Variants in RAB11FIP3 observed in about 807,000 individuals in gnomAD.
RAB11FIP3 encodes RAB11 family interacting protein 3.
Under a neutral mutation model 77.8 loss-of-function variants are expected in RAB11FIP3, and 17 were observed. That is an observed-to-expected ratio of 0.22 (90% CI 0.15 to 0.33). RAB11FIP3 has a LOEUF of 0.33. RAB11FIP3 is among the 10% of genes least tolerant of loss of function. RAB11FIP3 has a pLI of 1.00. For synonymous variants in RAB11FIP3, 437 were observed against 448.2 expected, an observed-to-expected ratio of 0.98 and a Z score of 0.31; for missense variants, 1,005 against 1,011.2, an observed-to-expected ratio of 0.99 and a Z score of 0.08.
At position 426,843 on chromosome 16, in the gene RAB11FIP3, C is replaced by T. The variant is rs2054955204; in HGVS notation, c.714+123C>T. On this transcript the variant is annotated intron_variant, in intron 1 of 13. Coordinates refer to ENST00000262305, the MANE Select transcript of RAB11FIP3 (RefSeq NM_014700.4). The surrounding 1 kb of genome is among the most constrained non-coding windows in gnomAD (Gnocchi z 5.0). ...AAAGGCACTGTCAAGACCTGACGGTCCTGCTTTTTCTGCTTATTCACCACT... is the reference window on the plus strand; with the variant it reads ...AAAGGCACTGTCAAGACCTGACGGTTCTGCTTTTTCTGCTTATTCACCACT... 1 of 686,986 alleles carries T rather than the reference C, an allele frequency of 1.5e-6. No individual in the cohort carries two copies. The highest frequency in any genetic ancestry group is 2.2e-6 in the Non-Finnish European group (1 of 451,490). The allele number at this position is 686,986 out of a possible 1,614,324, so 42.6% of individuals were successfully genotyped here.
At chr16:495,742 C>T (rs2031067155) in intron 5 of RAB11FIP3, among the ~76,000 whole-genome samples, 5 of 152,154 alleles carry the variant, frequency 3.3e-5, no homozygotes, top group African/African-American at 9.7e-5. Context: ...GCTGATTCTC[C>T]TCCAGTAGAT....
chr16:454,936 G>C (rs1377453944), intron 1 of RAB11FIP3, among the ~76,000 whole-genome samples: 1 of 150,826 alleles, frequency 6.6e-6, no homozygotes, highest in Non-Finnish European at 1.5e-5. Context: ...TGTAATCCCA[G>C]TTACTTGGGA....
At chr16:427,380 C>T (rs1037862807) in intron 1 of RAB11FIP3, among the ~76,000 whole-genome samples, 1 of 152,222 alleles carries the variant, frequency 6.6e-6, no homozygotes, top group Admixed American at 6.5e-5. Context: ...AGCAGAACTC[C>T]GTTAGGGCCA....
intron 6 of RAB11FIP3, among the ~76,000 whole-genome samples, chr16:501,810 TC>T (rs1325105868): frequency 1.5e-5 from 2 of 133,340 alleles, no homozygotes; most frequent in Non-Finnish European, 3.1e-5. Flanking sequence ...TCAGAGAGGG[TC>T]CCCCCATTTC....
chr16:500,639 G>A (rs941317478), intron 6 of RAB11FIP3, among the ~76,000 whole-genome samples: 6 of 117,388 alleles, frequency 5.1e-5, no homozygotes, highest in African/African-American at 1.6e-4. Context: ...AGTGAGCTGA[G>A]ATTGCACCAC....
chr16:482,620 C>G lies in RAB11FIP3; in HGVS notation c.999C>G (p.His333Gln). 1 of 1,613,540 alleles carries G rather than the reference C, an allele frequency of 6.2e-7. No homozygotes were observed. The change falls in exon 4 of 14, where the codon CAC (histidine) becomes CAG (glutamine). Residue 333 changes from histidine (H) to glutamine (Q), a missense_variant. His to Gln is a conservative substitution (Grantham distance 24). Coordinates refer to ENST00000262305, the MANE Select transcript of RAB11FIP3 (RefSeq NM_014700.4). ...ACGAGGACACCAGCACCCTGGTGCACCCTGAGCTGCAACCTGAAGGGGACG... is the reference window on the plus strand; with the variant it reads ...ACGAGGACACCAGCACCCTGGTGCAGCCTGAGCTGCAACCTGAAGGGGACG... ...FTDEDTSTLV[H>Q]PELQPEGDAD...
intron 1 of RAB11FIP3, among the ~76,000 whole-genome samples, chr16:440,644 C>G (rs1202221907): frequency 6.6e-6 from 1 of 152,236 alleles, no homozygotes; most frequent in Non-Finnish European, 1.5e-5. Context: ...GTCAGTGATG[C>G]ATCTTCCTCA....
At chr16:479,480 T>G (rs1413308973) in intron 3 of RAB11FIP3, among the ~76,000 whole-genome samples, 3 of 151,578 alleles carry the variant, frequency 2.0e-5, no homozygotes, top group Non-Finnish European at 4.4e-5. Context: ...TCACTTGAGG[T>G]GCGGAGTGGA....
chr16:468,884 C>T (rs1018557154), intron 2 of RAB11FIP3, among the ~76,000 whole-genome samples: 15 of 152,152 alleles, frequency 9.9e-5, no homozygotes, highest in African/African-American at 3.6e-4. Flanking sequence ...GTTCATATCC[C>T]CTGCTCCGCC....
chr16:519,611 A>G lies in RAB11FIP3; in HGVS notation c.1723-143A>G. 2.7e-6 allele frequency: 3 copies of G among 1,109,578 alleles called. No homozygotes were observed. The South Asian group carries it at 4.6e-5, about 17-fold the overall frequency. 68.7% of individuals were successfully genotyped at this position (1,109,578 alleles called of 1,614,324 possible). ...TCCACTGAGAGGCAGGAAGGCTCAG[A>G]CCCAGCCCTGTCGCGCTCCAAGCAC... On this transcript the variant is annotated intron_variant, in intron 10 of 13. Coordinates refer to ENST00000262305, the MANE Select transcript of RAB11FIP3 (RefSeq NM_014700.4).
At chr16:441,161 T>C (rs934037940) in intron 1 of RAB11FIP3, among the ~76,000 whole-genome samples, 1 of 152,136 alleles carries the variant, frequency 6.6e-6, no homozygotes, top group Non-Finnish European at 1.5e-5. Context: ...AGGCTGGTCT[T>C]GAACTTCTTA....
intron 1 of RAB11FIP3, among the ~76,000 whole-genome samples, chr16:442,369 A>T (rs1596196608): frequency 1.3e-5 from 2 of 152,228 alleles, no homozygotes; most frequent in East Asian, 3.9e-4. Context: ...GAGTTTGGGC[A>T]TGGTAGTTGG....
intron 5 of RAB11FIP3, among the ~76,000 whole-genome samples, chr16:489,714 C>T (rs1219465172): frequency 6.6e-6 from 1 of 152,246 alleles, no homozygotes; most frequent in Non-Finnish European, 1.5e-5. Flanking sequence ...AAGAGTCTTC[C>T]CTTGCCTGCT....
At position 519,811 on chromosome 16, in the gene RAB11FIP3, C is replaced by T; in HGVS notation, c.1780C>T (p.Gln594Ter). ...GCTGACGCTGCGGCTCAGTGAAGAG[C>T]AGGAGAACAAGAGGAGAATGGGGGA... ...ESLTLRLSEE[Q>*]ENKRRMGDRL... The change falls in exon 11 of 14, where the codon CAG becomes TAG. Residue 594 changes from glutamine to a stop codon, truncating the protein, a stop_gained. Coordinates refer to ENST00000262305, the MANE Select transcript of RAB11FIP3 (RefSeq NM_014700.4). LOFTEE classifies it high-confidence loss of function. The T allele has an allele frequency of 6.2e-7, 1 of 1,608,128 alleles. No individual in the cohort carries two copies. Among genetic ancestry groups the T allele is most frequent in the Non-Finnish European group, 8.5e-7 (1 of 1,177,482 alleles).
intron 9 of RAB11FIP3, among the ~76,000 whole-genome samples, chr16:512,395 C>A (rs532177320): frequency 4.4e-4 from 66 of 151,494 alleles, no homozygotes; most frequent in African/African-American, 1.6e-3. Flanking sequence ...TGCCTGCCAC[C>A]ACGCCCGGCT....
chr16:520,782 C>A lies in RAB11FIP3; in HGVS notation c.2214C>A (p.Ile738=). The A allele has an allele frequency of 6.2e-7, 1 of 1,613,826 alleles. No homozygotes were observed. The highest frequency in any genetic ancestry group is 8.5e-7 in the Non-Finnish European group (1 of 1,180,032). The stretch of plus-strand genomic sequence containing the variant: ...TCAACTTCCGCCTGCAGGACTACAT[C>A]GACAGGATCATCGTGGCCATCATGG... ...EEINFRLQDY[I]DRIIVAIMET... is the part of the protein sequence containing the mutation. The change falls in exon 14 of 14, where the codon ATC becomes ATA. Residue 738 remains isoleucine, a synonymous_variant. Coordinates refer to ENST00000262305, the MANE Select transcript of RAB11FIP3 (RefSeq NM_014700.4).
In RAB11FIP3 at chr16:471,245, C is replaced by G. The variant is rs757261494; in HGVS notation, c.809-50C>G. ...GTCCCGAGGCCGCCAGGGGTCCCGT[C>G]ACTGGGTGGCTATGGGTGGCCTGTT... On this transcript the variant is annotated intron_variant, in intron 2 of 13. Coordinates refer to ENST00000262305, the MANE Select transcript of RAB11FIP3 (RefSeq NM_014700.4). This position sits in a 1 kb window ranked among gnomAD's most constrained non-coding sequence, Gnocchi z 4.4. 15 of 1,526,152 alleles carry G rather than the reference C, an allele frequency of 9.8e-6. No individual in the cohort carries two copies. The highest frequency in any genetic ancestry group is 1.4e-5 in the Non-Finnish European group (15 of 1,103,456). The allele number at this position is 1,526,152 out of a possible 1,614,324, so 94.5% of individuals were successfully genotyped here.
intron 4 of RAB11FIP3, 104 bp from the exon 5 acceptor site, chr16:488,747 A>C: frequency 8.8e-7 from 1 of 1,135,832 alleles, no homozygotes; most frequent in Non-Finnish European, 1.2e-6. Context: ...CCCAGGACTC[A>C]CGTGTGGCTT....
At chr16:441,642 G>A (rs1400026373) in intron 1 of RAB11FIP3, among the ~76,000 whole-genome samples, 1 of 152,222 alleles carries the variant, frequency 6.6e-6, no homozygotes, top group Non-Finnish European at 1.5e-5. Flanking sequence ...GTTGGTGCCA[G>A]CTGCTCCTCT....
Sources: gnomAD v4.1 joint callset for allele counts (sites outside exome capture counted in the v4.1 genomes callset) on GRCh38, gnomAD v4.1.1 for gene constraint, Gnocchi (gnomAD v3.1) non-coding constraint, MANE v1.5 for transcripts, NCBI Gene and HGNC (gene_info 2026-07-23, HGNC 2026-07-21) for gene names.